The following BSN variants were observed in gnomAD, a reference collection of about 807,000 sequenced individuals.
BSN encodes protein bassoon.
A neutral mutation model predicts 264.8 loss-of-function variants in BSN; 57 were observed. The observed-to-expected ratio is 0.22, with a 90% CI of 0.17 to 0.27. The LOEUF is 0.27. BSN is among the 10% of genes least tolerant of loss of function. The pLI is 1.00. For missense variants in BSN, 4,615 were observed against 5,232.5 expected, an observed-to-expected ratio of 0.88 and a Z score of 3.64; for synonymous variants, 2,059 against 2,137.3, an observed-to-expected ratio of 0.96 and a Z score of 1.01.
chr3:49,557,517 A>G (rs2051682156), intron 1 of BSN, among the ~76,000 whole-genome samples: 1 of 151,808 alleles, frequency 6.6e-6, no homozygotes, highest in Admixed American at 6.6e-5. Flanking sequence ...CGAAGGAGCC[A>G]TGTAGACCAG....
Position 49,657,947 on chromosome 3 carries a change from A to G in BSN, c.8391A>G (p.Pro2797=). The G allele has an allele frequency of 6.2e-7, 1 of 1,612,746 alleles. No homozygotes were observed. The highest frequency in any genetic ancestry group is 8.5e-7 in the Non-Finnish European group (1 of 1,179,156). ...PPKSPQVLYS[P]VSPLSPHRLL... is the part of the protein sequence containing the mutation. ...AGTCCCCTCAGGTCCTCTACTCACC[A>G]GTCTCACCCCTGTCCCCTCACCGGC... The change falls in exon 5 of 12, where the codon CCA becomes CCG. Residue 2797 remains proline, a synonymous_variant. Coordinates refer to ENST00000296452, the MANE Select transcript of BSN (RefSeq NM_003458.4).
intron 2 of BSN, among the ~76,000 whole-genome samples, chr3:49,630,085 G>A (rs2052374010): frequency 1.3e-5 from 2 of 152,374 alleles, no homozygotes; most frequent in South Asian, 4.1e-4. Flanking sequence ...GGCTCCAGAT[G>A]GCTCGGGGGT....
At position 49,655,179 on chromosome 3, in the gene BSN, G is replaced by A; in HGVS notation, c.5623G>A (p.Val1875Met). 6.2e-7 allele frequency: 1 copy of A among 1,612,904 alleles called. No homozygotes were observed. ...GATGGGAGAGGGCACAGCAGGCACTGTGACCACACTGCTCCCAGAGGAGCC... is the reference window on the plus strand; with the variant it reads ...GATGGGAGAGGGCACAGCAGGCACTATGACCACACTGCTCCCAGAGGAGCC... ...VQMGEGTAGTVTTLLPEEPAG... is the reference protein window; with the variant it reads ...VQMGEGTAGTMTTLLPEEPAG... Residue 1875 changes from valine (V) to methionine (M), a missense_variant, in exon 5 of 12, where the codon GTG becomes ATG. By Grantham distance (21) the Val-to-Met change is conservative. Coordinates refer to ENST00000296452, the MANE Select transcript of BSN (RefSeq NM_003458.4).
Position 49,657,398 on chromosome 3 carries a change from G to A in BSN, c.7842G>A (p.Thr2614=), listed in dbSNP as rs112210588. 29 of 1,613,106 alleles carry A rather than the reference G, an allele frequency of 1.8e-5. No individual in the cohort carries two copies. In the African/African-American group the frequency reaches 2.0e-4, roughly 11 times the overall value. The change falls in exon 5 of 12, where the codon ACG becomes ACA. Residue 2614 remains threonine (T), a synonymous_variant. Coordinates refer to ENST00000296452, the MANE Select transcript of BSN (RefSeq NM_003458.4). The part of the protein sequence containing the change: ...ARRSADCSVQ[T]DDEDSAEWEQ... ...GGAGTGCTGACTGCAGTGTGCAGAC[G>A]GACGACGAAGACAGTGCTGAGTGGG...
rs2052336021 is a variant in BSN, at chr3:49,625,577, C to T, written c.633+194C>T. ...GAACAGGGCCTGGCCCCAGATCTCC[C>T]AAGGGATTTCTGCATCCCCTGAAAG... On this transcript the variant is annotated intron_variant, in intron 2 of 11. Coordinates refer to ENST00000296452, the MANE Select transcript of BSN (RefSeq NM_003458.4). This position sits in a 1 kb window ranked among gnomAD's most constrained non-coding sequence, Gnocchi z 4.4. 6.6e-6 allele frequency among the ~76,000 whole-genome samples: 1 copy of T among 152,216 alleles called. No individual in the cohort carries two copies. The highest frequency in any genetic ancestry group is 1.5e-5 in the Non-Finnish European group (1 of 68,036).
At chr3:49,672,025 CTTTTTTTTTTT>C (rs34710169), downstream of BSN, among the ~76,000 whole-genome samples, 6 of 100,412 alleles carry the variant, frequency 6.0e-5, no homozygotes, top group African/African-American at 1.5e-4. Context: ...GTTGCTAGAC[CTTTTTTTTTTT>C]TTTTTTTTTT....
chr3:49,665,968 C>T (rs779640547), intron 11 of BSN, among the ~76,000 whole-genome samples: 5 of 152,262 alleles, frequency 3.3e-5, no homozygotes, highest in Non-Finnish European at 7.3e-5. Flanking sequence ...GGAGCCTGTC[C>T]TGGCCCTGGC....
intron 9 of BSN, 86 bp downstream of exon 9, chr3:49,664,640 AG>A: frequency 6.5e-7 from 1 of 1,547,548 alleles, no homozygotes; most frequent in Admixed American, 1.8e-5. Context: ...TCAGTCACCC[AG>A]GCAGAGGCCA....
At position 49,661,247 on chromosome 3, in the gene BSN, C is replaced by A. The variant is rs1213516896; in HGVS notation, c.9402C>A (p.Val3134=). 6 of 1,613,756 alleles carry A rather than the reference C, an allele frequency of 3.7e-6. No homozygotes were observed. Among genetic ancestry groups the A allele is most frequent in the South Asian group, 1.1e-5 (1 of 91,086 alleles). Residue 3134 remains valine (V), a synonymous_variant, in exon 6 of 12, where the codon GTC becomes GTA. Transcript: ENST00000296452. ...CCACACAGAGCACCCTTTTTCCAGT[C>A]CCCGCTGATAGCCGTGCCCCACTGC... ...MPTTQSTLFP[V]PADSRAPLQK...
At chr3:49,664,226 C>T (rs1439676630) in intron 8 of BSN, among the ~76,000 whole-genome samples, 197 bp from the exon 9 acceptor site, 1 of 152,036 alleles carries the variant, frequency 6.6e-6, no homozygotes, top group Non-Finnish European at 1.5e-5. Context: ...CTTTCCCTTC[C>T]TCAACCTCCT....
In BSN at chr3:49,655,133, G is replaced by T; in HGVS notation, c.5577G>T (p.Lys1859Asn). ...CACATGCTCTGCCAGGTGCCAGGAA[G>T]CCACACACAGTGGTGGTGCAGATGG... ...LRSHALPGAR[K>N]PHTVVVQMGE... is the part of the protein sequence containing the mutation. Residue 1859 changes from lysine (K) to asparagine (N), a missense_variant, in exon 5 of 12, where the codon AAG (lysine) becomes AAT (asparagine). Coordinates refer to ENST00000296452, the MANE Select transcript of BSN (RefSeq NM_003458.4). 6.2e-7 allele frequency: 1 copy of T among 1,612,542 alleles called. No homozygotes were observed. The highest frequency in any genetic ancestry group is 1.1e-5 in the South Asian group (1 of 91,050).
chr3:49,642,614 A>C lies in BSN; in HGVS notation c.980A>C (p.Lys327Thr), dbSNP rs1030685687. ...CCACCTGCAGGAGAGGCCCCGGCCAAAAGTGCCACCGCAGTGCCCGCTGGG... is the reference window on the plus strand; with the variant it reads ...CCACCTGCAGGAGAGGCCCCGGCCACAAGTGCCACCGCAGTGCCCGCTGGG... The part of the protein sequence containing the change: ...PRPPAGEAPA[K>T]SATAVPAGLG... Residue 327 changes from lysine (K) to threonine (T), a missense_variant, in exon 3 of 12, where the codon AAA (lysine) becomes ACA (threonine). By Grantham distance (78) the Lys-to-Thr change is moderately conservative. Coordinates refer to ENST00000296452, the MANE Select transcript of BSN (RefSeq NM_003458.4). The surrounding 1 kb of genome is among the most constrained non-coding windows in gnomAD (Gnocchi z 7.0). The C allele has an allele frequency of 1.2e-6, 2 of 1,603,582 alleles. No homozygotes were observed. The highest frequency in any genetic ancestry group is 1.3e-5 in the African/African-American group (1 of 74,740).
intron 1 of BSN, among the ~76,000 whole-genome samples, chr3:49,612,469 G>T (rs1426354024): frequency 6.6e-6 from 1 of 152,246 alleles, no homozygotes; most frequent in Non-Finnish European, 1.5e-5. Flanking sequence ...ATCAAAATCA[G>T]TCCAGGATGG....
At chr3:49,634,413 T>A (rs75671806) in intron 2 of BSN, among the ~76,000 whole-genome samples, 1,869 of 151,118 alleles carry the variant, frequency 0.012, 40 homozygotes, top group African/African-American at 0.042. Context: ...CAATGCAAAA[T>A]TTTTTTTTTA....
chr3:49,671,714 A>T (rs71324984), downstream of BSN, among the ~76,000 whole-genome samples: 6,698 of 152,308 alleles, frequency 0.044, 223 homozygotes, highest in Non-Finnish European at 0.06. This position sits in a 1 kb window ranked among gnomAD's most constrained non-coding sequence, Gnocchi z 4.1. Flanking sequence ...TCCAAAGACA[A>T]TGGGCCCTCC....
intron 1 of BSN, among the ~76,000 whole-genome samples, chr3:49,595,168 C>T (rs1397239055): frequency 2.0e-5 from 3 of 150,500 alleles, no homozygotes; most frequent in African/African-American, 4.9e-5. Flanking sequence ...GGATTACAGG[C>T]GTGAGCCACT....
chr3:49,601,380 G>A (rs186072632), intron 1 of BSN, among the ~76,000 whole-genome samples: 9 of 152,302 alleles, frequency 5.9e-5, no homozygotes, highest in Non-Finnish European at 8.8e-5. Context: ...ACTTCTGGGC[G>A]TGACAGCATC....
chr3:49,609,138 A>G (rs2052183209), intron 1 of BSN, among the ~76,000 whole-genome samples: 1 of 141,746 alleles, frequency 7.1e-6, no homozygotes, highest in Admixed American at 7.5e-5. Context: ...TCTGTCACAT[A>G]GACTGGATTG....
In BSN at chr3:49,654,776, G is replaced by A; in HGVS notation, c.5220G>A (p.Val1740=). ...TGAGCATCACCATGGCCTCGTCTGT[G>A]TTCATGGCTCAACAAAAGCAGCCTG... ...TTVSITMASS[V]FMAQQKQPVV... Residue 1740 remains valine (V), a synonymous_variant, in exon 5 of 12, where the codon GTG becomes GTA. Transcript: ENST00000296452. The surrounding 1 kb of genome is among the most constrained non-coding windows in gnomAD (Gnocchi z 4.1). 3.1e-6 allele frequency: 5 copies of A among 1,613,606 alleles called. No individual in the cohort carries two copies. Among genetic ancestry groups the A allele is most frequent in the Non-Finnish European group, 4.2e-6 (5 of 1,179,956 alleles).
Sources: gnomAD v4.1 joint callset for allele counts (sites outside exome capture counted in the v4.1 genomes callset) on GRCh38, gnomAD v4.1.1 for gene constraint, Gnocchi (gnomAD v3.1) non-coding constraint, MANE v1.5 for transcripts, NCBI Gene and HGNC (gene_info 2026-07-23, HGNC 2026-07-21) for gene names.